The following BRINP1 variants were observed in gnomAD, a reference collection of about 807,000 sequenced individuals.
BRINP1 encodes the protein BMP/retinoic acid inducible neural specific 1, also known as BMP/retinoic acid-inducible neural-specific protein 1.
BRINP1 carries 17 observed loss-of-function variants against 72.9 expected under a neutral mutation model. That is an observed-to-expected ratio of 0.23 (90% confidence interval 0.16 to 0.35). The LOEUF (loss-of-function observed/expected upper bound fraction) is 0.35, where lower values mean the gene tolerates loss of function less well. BRINP1 is among the 10% of genes least tolerant of loss of function. The pLI, the probability that BRINP1 is intolerant of heterozygous loss-of-function variation, is 1.00. For synonymous variants in BRINP1, 418 were observed against 378.5 expected, an observed-to-expected ratio of 1.10 and a Z score of -1.21; for missense variants, 850 against 1,001.6, an observed-to-expected ratio of 0.85 and a Z score of 2.04.
chr9:119,175,118 A>AT (rs1564209505), intron 7 of BRINP1, among the ~76,000 whole-genome samples: 2 of 109,310 alleles, frequency 1.8e-5, no homozygotes, highest in Non-Finnish European at 3.6e-5. Context: ...AAAGTAAAGT[A>AT]TAAAAAAAAA....
intron 1 of BRINP1, among the ~76,000 whole-genome samples, chr9:119,363,339 C>T (rs1461413152): frequency 1.3e-5 from 2 of 152,086 alleles, no homozygotes; most frequent in South Asian, 2.1e-4. Flanking sequence ...TGGGCTCAAG[C>T]GATCCTCCCA....
chr9:119,234,655 C>A (rs28703974), intron 5 of BRINP1, among the ~76,000 whole-genome samples: 6,605 of 151,576 alleles, frequency 0.044, 472 homozygotes, highest in African/African-American at 0.15. Flanking sequence ...GCCTTTTTTT[C>A]TTATACTTAG....
At chr9:119,210,807 C>G (rs1708754283) in intron 6 of BRINP1, among the ~76,000 whole-genome samples, 1 of 152,196 alleles carries the variant, frequency 6.6e-6, no homozygotes, top group Non-Finnish European at 1.5e-5. Context: ...GTCAGTTTCC[C>G]CATCTGCTAA....
intron 7 of BRINP1, among the ~76,000 whole-genome samples, chr9:119,174,955 T>C (rs1275023889): frequency 9.6e-6 from 1 of 104,084 alleles, no homozygotes; most frequent in Non-Finnish European, 1.9e-5. Context: ...TATCACACTC[T>C]GGGGACTGTT....
chr9:119,280,233 G>C (rs1221144), intron 2 of BRINP1, among the ~76,000 whole-genome samples: 28,424 of 139,186 alleles, frequency 0.2, 3,250 homozygotes, highest in South Asian at 0.33. Context: ...GATGAAATAA[G>C]TAGTTTTTTT....
chr9:119,248,510 T>G (rs1351414503), intron 3 of BRINP1, among the ~76,000 whole-genome samples: 6 of 152,296 alleles, frequency 3.9e-5, no homozygotes, highest in African/African-American at 1.4e-4. Context: ...GCTTTCCCAT[T>G]AACCTACTCT....
At chr9:119,248,767 A>G (rs1830348685) in intron 3 of BRINP1, among the ~76,000 whole-genome samples, 193 bp downstream of exon 3, 1 of 152,228 alleles carries the variant, frequency 6.6e-6, no homozygotes, top group Non-Finnish European at 1.5e-5. Context: ...AGACTGTCCC[A>G]TAGAACTGAA....
intron 1 of BRINP1, among the ~76,000 whole-genome samples, chr9:119,322,271 C>T (rs1457297163): frequency 1.3e-5 from 2 of 152,274 alleles, no homozygotes; most frequent in African/African-American, 4.8e-5. Flanking sequence ...TGACCTCCTG[C>T]GACCTTCAGT....
intron 2 of BRINP1, among the ~76,000 whole-genome samples, chr9:119,288,825 CT>C (rs1830794041): frequency 6.6e-6 from 1 of 151,830 alleles, no homozygotes; most frequent in Non-Finnish European, 1.5e-5. Flanking sequence ...GAGTTTCACT[CT>C]TGTTGCCCAG....
chr9:119,246,346 G>A (rs373729901), intron 3 of BRINP1, among the ~76,000 whole-genome samples: 2 of 152,198 alleles, frequency 1.3e-5, no homozygotes, highest in Admixed American at 6.5e-5. Flanking sequence ...AGCTGCCACC[G>A]TGGCTAGAAC....
intron 2 of BRINP1, among the ~76,000 whole-genome samples, chr9:119,311,643 C>T (rs1030203790): frequency 6.6e-6 from 1 of 152,182 alleles, no homozygotes; most frequent in African/African-American, 2.4e-5. Flanking sequence ...GATGAAGGAG[C>T]TTACCTAATG....
chr9:119,167,025 C>T lies in BRINP1; in HGVS notation c.*59G>A. On this transcript the variant is annotated 3_prime_UTR_variant, in exon 8 of 8. Transcript: ENST00000265922. This position sits in a 1 kb window ranked among gnomAD's most constrained non-coding sequence, Gnocchi z 4.3. ...TGGGTTTTTTTGTTTTGTTTTGCTT[C>T]ATTTTGTTCTGTTGTGTGTGTACAA... is the stretch of plus-strand genomic sequence containing the variant. 1 of 1,469,430 alleles carries T rather than the reference C, an allele frequency of 6.8e-7. No homozygotes were observed. Among genetic ancestry groups the T allele is most frequent in the South Asian group, 1.5e-5 (1 of 68,884 alleles). 91.0% of individuals were successfully genotyped at this position (1,469,430 alleles called of 1,614,324 possible). A position where few individuals can be genotyped will look rare whatever the true frequency, so the allele number is the denominator to read the frequency against.
intron 1 of BRINP1, among the ~76,000 whole-genome samples, chr9:119,318,822 T>C (rs551388422): frequency 1.1e-4 from 16 of 147,792 alleles, no homozygotes; most frequent in Non-Finnish European, 1.6e-4. Context: ...AACAAGGTCA[T>C]ACATGGAAGA....
intron 7 of BRINP1, among the ~76,000 whole-genome samples, chr9:119,205,929 A>G (rs2118868161): frequency 6.6e-6 from 1 of 152,236 alleles, no homozygotes; most frequent in Non-Finnish European, 1.5e-5. Context: ...TCACCTAAAG[A>G]TCTGATCAAA....
chr9:119,200,310 T>C (rs1432239295), intron 7 of BRINP1, among the ~76,000 whole-genome samples: 1 of 152,096 alleles, frequency 6.6e-6, no homozygotes, highest in Admixed American at 6.5e-5. Context: ...AGATAGGCAT[T>C]AATAAATAGA....
At position 119,170,674 on chromosome 9, in the gene BRINP1, A is replaced by AATT. The variant is rs1159024281; in HGVS notation, c.1146-2453_1146-2451dup. ...TGAGAAGAGCAACTCCAAGACACAT[A>AATT]ATTGTCAGATTCACCAAAGTTGAAA... On this transcript the variant is annotated intron_variant, in intron 7 of 7. Transcript: ENST00000265922. Among the ~76,000 whole-genome samples, 15 of 135,294 alleles carry AATT rather than the reference A, an allele frequency of 1.1e-4. 1 individual carries two copies. The highest frequency in any genetic ancestry group is 4.3e-4 in the African/African-American group (14 of 32,332). The allele number at this position is 135,294 out of a possible 152,430, so 88.8% of individuals were successfully genotyped here. A position where few individuals can be genotyped will look rare whatever the true frequency, so the allele number is the denominator to read the frequency against.
intron 2 of BRINP1, among the ~76,000 whole-genome samples, chr9:119,262,391 TG>T (rs1036919235): frequency 6.6e-6 from 1 of 151,740 alleles, no homozygotes; most frequent in Non-Finnish European, 1.5e-5. Context: ...CCCAGCACTT[TG>T]GGAGGTCGAG....
chr9:119,238,092 T>C (rs535703840), intron 5 of BRINP1, among the ~76,000 whole-genome samples: 1 of 152,340 alleles, frequency 6.6e-6, no homozygotes, highest in South Asian at 2.1e-4. Context: ...ACCAGTTTAA[T>C]ATTATGTTGT....
intron 7 of BRINP1, among the ~76,000 whole-genome samples, chr9:119,195,189 C>G (rs1829723679): frequency 6.6e-6 from 1 of 152,122 alleles, no homozygotes; most frequent in African/African-American, 2.4e-5. Context: ...TGTCTGTGAA[C>G]AGGGGCACTC....
Sources: allele counts gnomAD v4.1 joint callset (sites outside exome capture counted in the v4.1 genomes callset), GRCh38; gene constraint gnomAD v4.1.1; non-coding constraint Gnocchi (gnomAD v3.1); transcripts MANE v1.5; gene names NCBI Gene and HGNC (gene_info 2026-07-23, HGNC 2026-07-21).